Variants in IZUMO2 observed in about 807,000 individuals in gnomAD.
IZUMO2 encodes the protein izumo sperm-egg fusion protein 2.
Under a neutral mutation model 31.2 loss-of-function variants are expected in IZUMO2, and 24 were observed. That is an observed-to-expected ratio of 0.77 (90% confidence interval 0.56 to 1.08). The LOEUF (loss-of-function observed/expected upper bound fraction) is 1.08, where lower values mean the gene tolerates loss of function less well. IZUMO2 is among the 50% of genes least tolerant of loss of function. The pLI is 0.00. For missense variants in IZUMO2, 278 were observed against 274.0 expected, an observed-to-expected ratio of 1.01 and a Z score of -0.10; for synonymous variants, 144 against 117.3, an observed-to-expected ratio of 1.23 and a Z score of -1.47.
rs777364490 is a variant in IZUMO2, at chr19:50,159,587, A to T, written c.308-7T>A. 1 of 1,599,784 alleles carries T rather than the reference A, an allele frequency of 6.3e-7. No individual in the cohort carries two copies. The highest frequency in any genetic ancestry group is 8.6e-7 in the Non-Finnish European group (1 of 1,167,168). Reference sequence around the variant, plus strand: ...TCTTCCAGCAGAGGCTCATCTGAGGAGAGAAAGAGATCTCTGTGGGGTGGG... The same window carrying T: ...TCTTCCAGCAGAGGCTCATCTGAGGTGAGAAAGAGATCTCTGTGGGGTGGG... On this transcript the variant is annotated splice_polypyrimidine_tract_variant and splice_region_variant and intron_variant, in intron 2 of 6. Transcript: ENST00000293405.
In IZUMO2 at chr19:50,159,249, G is replaced by A; in HGVS notation, c.396C>T (p.Ala132=). ...ACTCACGGCAAAGTTTGGGGTTGCAGGCTGCAAGAGAAAATTGCTGAGGTG... is the reference window on the plus strand; with the variant it reads ...ACTCACGGCAAAGTTTGGGGTTGCAAGCTGCAAGAGAAAATTGCTGAGGTG... ...KKVLISYELK[A]CNPKLCRLLK... The change falls in exon 4 of 7, where the codon GCC becomes GCT. Residue 132 remains alanine (A), a splice_region_variant and synonymous_variant. Transcript: ENST00000293405. 1 of 1,611,156 alleles carries A rather than the reference G, an allele frequency of 6.2e-7. No individual in the cohort carries two copies. Among genetic ancestry groups the A allele is most frequent in the Non-Finnish European group, 8.5e-7 (1 of 1,179,262 alleles).
intron 6 of IZUMO2, chr19:50,153,762 A>G (rs1005408257): frequency 3.3e-5 from 5 of 151,038 alleles, no homozygotes; most frequent in South Asian, 2.1e-4. Flanking sequence ...AGGTCGCAAG[A>G]TCGCGCCATT....
intron 6 of IZUMO2, among the ~76,000 whole-genome samples, chr19:50,154,358 C>T (rs2030139811): frequency 7.3e-6 from 1 of 137,772 alleles, no homozygotes; most frequent in Non-Finnish European, 1.5e-5. Flanking sequence ...TGTAATGTGG[C>T]CCAGAGGTGG....
chr19:50,159,562 T>A lies in IZUMO2; in HGVS notation c.326A>T (p.Glu109Val). ...CACATTCGCCCTGAGGGTCACCAGC[T>A]CTTCCAGCAGAGGCTCATCTGAGGA... ...NSLKDEPLLE[E>V]LVTLRANVIK... Residue 109 changes from glutamate (E) to valine (V), a missense_variant, in exon 3 of 7, where the codon GAG becomes GTG. Transcript: ENST00000293405. The A allele has an allele frequency of 6.2e-7, 1 of 1,613,100 alleles. No individual in the cohort carries two copies. Among genetic ancestry groups the A allele is most frequent in the Non-Finnish European group, 8.5e-7 (1 of 1,179,166 alleles).
intron 5 of IZUMO2, among the ~76,000 whole-genome samples, chr19:50,157,880 A>G (rs1169840454): frequency 2.0e-5 from 3 of 150,506 alleles, no homozygotes; most frequent in Admixed American, 6.6e-5. Context: ...AGATCCTGCC[A>G]TTGTACTCCA....
intron 2 of IZUMO2, chr19:50,160,459 CT>C (rs2123061192): frequency 6.6e-6 from 1 of 150,460 alleles, no homozygotes; most frequent in Non-Finnish European, 1.5e-5. Context: ...TTCTATTTAC[CT>C]TTTTAAAAAT....
At chr19:50,162,152 G>A (rs999589356) in intron 2 of IZUMO2, among the ~76,000 whole-genome samples, 8 of 152,208 alleles carry the variant, frequency 5.3e-5, no homozygotes, top group Middle Eastern at 3.4e-3. Flanking sequence ...GCATGGTGGT[G>A]GGTGCCTGTA....
At position 50,163,272 on chromosome 19, in the gene IZUMO2, G is replaced by A. The variant is rs1428084981; in HGVS notation, c.-78C>T. On this transcript the variant is annotated 5_prime_UTR_variant, in exon 1 of 7. Coordinates refer to ENST00000293405, the MANE Select transcript of IZUMO2 (RefSeq NM_152358.3). ...GCGAGGGCGCGGTCAGGAGGCCCAG[G>A]GAGCATCACGGTGTTACAGGCACGT... The A allele has an allele frequency of 1.9e-6, 2 of 1,028,306 alleles. No individual in the cohort carries two copies. The highest frequency in any genetic ancestry group is 2.9e-6 in the Non-Finnish European group (2 of 689,886). 63.7% of individuals were successfully genotyped at this position (1,028,306 alleles called of 1,614,324 possible). A position where few individuals can be genotyped will look rare whatever the true frequency, so the allele number is the denominator to read the frequency against.
chr19:50,157,763 T>C (rs1475171002), intron 5 of IZUMO2, among the ~76,000 whole-genome samples: 1 of 151,292 alleles, frequency 6.6e-6, no homozygotes, highest in Non-Finnish European at 1.5e-5. Flanking sequence ...CTACTAAAAA[T>C]ACAAAACTTA....
chr19:50,159,378 G>T (rs1303320193), intron 3 of IZUMO2, 116 bp downstream of exon 3: 4 of 1,253,082 alleles, frequency 3.2e-6, no homozygotes, highest in Non-Finnish European at 4.6e-6. Flanking sequence ...GGGGAGAGAT[G>T]AAGAAGGCTG....
At chr19:50,155,834 C>G (rs558470146) in intron 5 of IZUMO2, among the ~76,000 whole-genome samples, 1 of 152,318 alleles carries the variant, frequency 6.6e-6, no homozygotes, top group Admixed American at 6.5e-5. Flanking sequence ...CTCTTGCAAG[C>G]CCTGCACCAT....
rs1027711929 is a variant in IZUMO2, at chr19:50,162,797, G to A, written c.249C>T (p.Asp83=). 6.2e-6 allele frequency: 10 copies of A among 1,613,748 alleles called. No homozygotes were observed. Among genetic ancestry groups the A allele is most frequent in the East Asian group, 2.2e-5 (1 of 44,880 alleles). ...FVGKVETNQL[D]LVASFVKNQT... ...GGTTCTTGACAAAGGACGCCACAAG[G>A]TCCAGTTGATTTGTCTCTGGGGGGA... is the stretch of plus-strand genomic sequence containing the variant. Residue 83 remains aspartate (D), a synonymous_variant, in exon 2 of 7, where the codon GAC becomes GAT. Coordinates refer to ENST00000293405, the MANE Select transcript of IZUMO2 (RefSeq NM_152358.3).
chr19:50,153,106 C>T (rs1443866389), intron 6 of IZUMO2, among the ~76,000 whole-genome samples: 1 of 152,126 alleles, frequency 6.6e-6, no homozygotes, highest in East Asian at 1.9e-4. Flanking sequence ...ATGGGCCCTA[C>T]ATCTAAAGAC....
chr19:50,154,841 C>A, intron 5 of IZUMO2, 115 bp from the exon 6 acceptor site: 1 of 1,110,590 alleles, frequency 9.0e-7, no homozygotes, highest in East Asian at 2.5e-5. Flanking sequence ...GGGGCGCTCT[C>A]TCTTCTTCTC....
chr19:50,152,722 C>G, intron 6 of IZUMO2, 71 bp from the exon 7 acceptor site: 1 of 1,273,236 alleles, frequency 7.9e-7, no homozygotes, highest in Non-Finnish European at 1.1e-6. Flanking sequence ...AGACCCATAA[C>G]TTCCCTCCCC....
chr19:50,159,401 G>C (rs538207191), intron 3 of IZUMO2, 93 bp downstream of exon 3: 2 of 1,225,028 alleles, frequency 1.6e-6, no homozygotes, highest in South Asian at 2.5e-5. Flanking sequence ...CTATAGGGGA[G>C]GTGAAGAAGG....
rs774127206 is a variant in IZUMO2 at position 50,163,039 on chromosome 19, G to A, written c.156C>T (p.Arg52=). ...CCATGCCCATCAGCACGGCCCCGGC[G>A]CGCGCCTGCAGCTGCTCCAACTGGA... ...SRFQLEQLQA[R]AGAVLMGMEG... is the part of the protein sequence containing the mutation. The change falls in exon 1 of 7, where the codon CGC becomes CGT. Residue 52 remains arginine (R), a synonymous_variant. Coordinates refer to ENST00000293405, the MANE Select transcript of IZUMO2 (RefSeq NM_152358.3). 8 of 1,612,656 alleles carry A rather than the reference G, an allele frequency of 5.0e-6. No individual in the cohort carries two copies. The highest frequency in any genetic ancestry group is 1.1e-5 in the South Asian group (1 of 91,006).
In IZUMO2 at chr19:50,163,127, T is replaced by G; in HGVS notation, c.68A>C (p.Gln23Pro). ...LGAPGGWGCL[Q>P]CDPLVLEALG... is the part of the protein sequence containing the mutation. ...GGCCTCCAGCACCAAGGGGTCGCAC[T>G]GCAGGCAGCCCCAGCCTCCGGGGGC... is the stretch of plus-strand genomic sequence containing the variant. The change falls in exon 1 of 7, where the codon CAG becomes CCG. Residue 23 changes from glutamine to proline, a missense_variant. By Grantham distance (76) the Gln-to-Pro change is moderately conservative. Coordinates refer to ENST00000293405, the MANE Select transcript of IZUMO2 (RefSeq NM_152358.3). 6.2e-7 allele frequency: 1 copy of G among 1,600,302 alleles called. No homozygotes were observed. Among genetic ancestry groups the G allele is most frequent in the South Asian group, 1.1e-5 (1 of 89,612 alleles).
At position 50,163,088 on chromosome 19, in the gene IZUMO2, C is replaced by A. The variant is rs531170180; in HGVS notation, c.107G>T (p.Arg36Leu). The A allele has an allele frequency of 6.2e-7, 1 of 1,612,734 alleles. No individual in the cohort carries two copies. Among genetic ancestry groups the A allele is most frequent in the South Asian group, 1.1e-5 (1 of 90,952 alleles). The change falls in exon 1 of 7, where the codon CGC (arginine) becomes CTC (leucine). Residue 36 changes from arginine to leucine, a missense_variant. Arg to Leu is a moderately radical substitution (Grantham distance 102, BLOSUM62 -2). Transcript: ENST00000293405. The part of the protein sequence containing the change: ...PLVLEALGHL[R>L]SALIPSRFQL... Reference sequence around the variant, plus strand: ...GAAGCGACTGGGGATGAGGGCGGAGCGCAGGTGACCCAGGGCCTCCAGCAC... The same window carrying A: ...GAAGCGACTGGGGATGAGGGCGGAGAGCAGGTGACCCAGGGCCTCCAGCAC...
Sources: gnomAD v4.1 joint callset for allele counts (sites outside exome capture counted in the v4.1 genomes callset) on GRCh38, gnomAD v4.1.1 for gene constraint, MANE v1.5 for transcripts, NCBI Gene and HGNC (gene_info 2026-07-23, HGNC 2026-07-21) for gene names.